Variants in CDH5 observed in about 807,000 individuals in gnomAD.
The protein encoded by CDH5 is cadherin 5, also known as cadherin-5.
A neutral mutation model predicts 62.0 loss-of-function variants in CDH5; 28 were observed. The ratio of observed to expected loss-of-function variants is 0.45; its 90% CI spans 0.33 to 0.62. The LOEUF is 0.62. CDH5 is among the 20% of genes least tolerant of loss of function. CDH5 has a pLI of 0.02. For missense variants in CDH5, 940 were observed against 1,065.1 expected (o/e 0.88, Z 1.63); for synonymous variants, 464 against 445.8 (o/e 1.04, Z -0.52).
chr16:66,388,390 T>G lies in CDH5; in HGVS notation c.566T>G (p.Val189Gly). The G allele has an allele frequency of 6.2e-7, 1 of 1,614,044 alleles. No individual in the cohort carries two copies. Residue 189 changes from valine (V) to glycine (G), a missense_variant, in exon 4 of 12, where the codon GTC (valine) becomes GGC (glycine). Coordinates refer to ENST00000341529, the MANE Select transcript of CDH5 (RefSeq NM_001795.5). ...CCCACTGTGGGAGACCACGCCTCTG[T>G]CATGTACCAAATCCTGAAGGGGAAA... is the stretch of plus-strand genomic sequence containing the variant. ...DDPTVGDHASVMYQILKGKEY... is the reference protein window; with the variant it reads ...DDPTVGDHASGMYQILKGKEY...
At chr16:66,389,799 C>A (rs2142329990) in intron 5 of CDH5, among the ~76,000 whole-genome samples, 1 of 152,302 alleles carries the variant, frequency 6.6e-6, no homozygotes, top group Non-Finnish European at 1.5e-5. Flanking sequence ...TGTGTCCCAC[C>A]ATGAGACACA....
chr16:66,392,793 AG>A lies in CDH5; in HGVS notation c.1217+411del. On this transcript the variant is annotated intron_variant, in intron 7 of 11. Coordinates refer to ENST00000341529, the MANE Select transcript of CDH5 (RefSeq NM_001795.5). ...AAAGTAAGAAGTGTTCATTTTATAC[AG>A]TGAAACAACACAGAGATCTACCAAG... The A allele has an allele frequency of 1.1e-4, 20 of 189,956 alleles. No individual in the cohort carries two copies. In the East Asian group the frequency reaches 1.9e-3, roughly 18 times the overall value. 11.8% of individuals were successfully genotyped at this position (189,956 alleles called of 1,614,324 possible).
At chr16:66,387,153 C>T (rs776437307) in intron 3 of CDH5, 56 bp downstream of exon 3, 54 of 1,513,830 alleles carry the variant, frequency 3.6e-5, no homozygotes, top group Admixed American at 1.6e-4. Context: ...CCTGGGGGCA[C>T]CTCTCACATC....
rs757425052 is a variant in CDH5 at position 66,379,346 on chromosome 16, G to A, written c.9G>A (p.Arg3=). The change falls in exon 2 of 12, where the codon AGG becomes AGA. Residue 3 remains arginine (R), a synonymous_variant. Coordinates refer to ENST00000341529, the MANE Select transcript of CDH5 (RefSeq NM_001795.5). The part of the protein sequence containing the change: MQ[R]LMMLLATSGA... ...CTGTTCCTCCTGGGAAGATGCAGAG[G>A]CTCATGATGCTCCTCGCCACATCGG... 1.2e-6 allele frequency: 2 copies of A among 1,609,770 alleles called. No homozygotes were observed. Among genetic ancestry groups the A allele is most frequent in the Admixed American group, 1.7e-5 (1 of 59,902 alleles).
At chr16:66,398,873 T>C (rs1167012951) in intron 10 of CDH5, among the ~76,000 whole-genome samples, 1 of 152,222 alleles carries the variant, frequency 6.6e-6, no homozygotes, top group Admixed American at 6.5e-5. Context: ...AGATATTTTG[T>C]ACAATTTCTG....
intron 2 of CDH5, among the ~76,000 whole-genome samples, chr16:66,384,075 A>C (rs1400266292): frequency 7.6e-5 from 10 of 132,066 alleles, no homozygotes; most frequent in Admixed American, 7.9e-5. Flanking sequence ...GGAGGAGTCC[A>C]GCCTTTTTTT....
At chr16:66,392,665 C>A in intron 7 of CDH5, 2 of 422,822 alleles carry the variant, frequency 4.7e-6, no homozygotes, top group East Asian at 4.1e-5. Flanking sequence ...CTCACCAGTC[C>A]TATGTGGTAA....
Position 66,402,702 on chromosome 16 carries a change from G to T in CDH5, c.1888G>T (p.Ala630Ser). The change falls in exon 12 of 12, where the codon GCG (alanine) becomes TCG (serine). Residue 630 changes from alanine to serine, a missense_variant. Physicochemically the swap from Ala to Ser is moderately conservative, Grantham distance 99. Transcript: ENST00000341529. ...GCGGCGGCTCCGGAAGCAGGCCCGC[G>T]CGCACGGCAAGAGCGTGCCGGAGAT... is the stretch of plus-strand genomic sequence containing the variant. ...LRRRLRKQAR[A>S]HGKSVPEIHE... The T allele has an allele frequency of 1.2e-6, 2 of 1,608,814 alleles. No individual in the cohort carries two copies. The highest frequency in any genetic ancestry group is 1.7e-6 in the Non-Finnish European group (2 of 1,178,930).
At position 66,402,797 on chromosome 16, in the gene CDH5, G is replaced by A. The variant is rs763725672; in HGVS notation, c.1983G>A (p.Ser661=). The A allele has an allele frequency of 6.2e-7, 1 of 1,604,294 alleles. No individual in the cohort carries two copies. The highest frequency in any genetic ancestry group is 8.5e-7 in the Non-Finnish European group (1 of 1,176,400). ...TGGACACCACCAGCTACGATGTGTC[G>A]GTGCTCAACTCGGTGCGCCGCGGCG... ...GEMDTTSYDV[S]VLNSVRRGGA... is the part of the protein sequence containing the mutation. Residue 661 remains serine (S), a synonymous_variant, in exon 12 of 12, where the codon TCG becomes TCA. Coordinates refer to ENST00000341529, the MANE Select transcript of CDH5 (RefSeq NM_001795.5).
At position 66,388,213 on chromosome 16, in the gene CDH5, C is replaced by T. The variant is rs1170092620; in HGVS notation, c.500-111C>T. ...CAAAACAGCCTTTTATTCCCAGGAC[C>T]TGGGGGAGGTGGGGACAGAGCACAG... On this transcript the variant is annotated intron_variant, in intron 3 of 11. Transcript: ENST00000341529. 4.3e-6 allele frequency: 3 copies of T among 703,960 alleles called. No homozygotes were observed. In the African/African-American group the frequency reaches 5.4e-5, roughly 13 times the overall value. 43.6% of individuals were successfully genotyped at this position (703,960 alleles called of 1,614,324 possible).
At chr16:66,369,473 G>A (rs1420834242) in intron 1 of CDH5, among the ~76,000 whole-genome samples, 3 of 152,150 alleles carry the variant, frequency 2.0e-5, no homozygotes, top group African/African-American at 7.2e-5. Flanking sequence ...TACAGATAAG[G>A]AAGCTGAGGC....
chr16:66,391,894 A>G (rs1211057545), intron 6 of CDH5, among the ~76,000 whole-genome samples: 2 of 152,236 alleles, frequency 1.3e-5, no homozygotes, highest in Admixed American at 1.3e-4. Context: ...GGCCAGGCAC[A>G]CAGCCAGGGT....
At chr16:66,376,273 A>C (rs538887698) in intron 1 of CDH5, 2 of 152,266 alleles carry the variant, frequency 1.3e-5, no homozygotes, top group African/African-American at 4.8e-5. Context: ...GGGCAGAGGA[A>C]TTTTTAGCTC....
intron 2 of CDH5, among the ~76,000 whole-genome samples, chr16:66,385,413 A>T (rs1960966225): frequency 6.6e-6 from 1 of 152,206 alleles, no homozygotes. Flanking sequence ...AAGTATGGAA[A>T]ATCCTGAGTT....
intron 8 of CDH5, among the ~76,000 whole-genome samples, chr16:66,396,841 G>A (rs547606037): frequency 2.8e-4 from 42 of 152,176 alleles, no homozygotes; most frequent in African/African-American, 9.4e-4. Flanking sequence ...CCAGGAGCCC[G>A]CTAGGCCAAG....
At chr16:66,397,909 C>T in intron 8 of CDH5, 73 bp from the exon 9 acceptor site, 6 of 1,597,278 alleles carry the variant, frequency 3.8e-6, no homozygotes, top group Non-Finnish European at 5.1e-6. Context: ...GGCAGCCCTC[C>T]TTCCACACAT....
intron 2 of CDH5, among the ~76,000 whole-genome samples, chr16:66,386,419 G>A (rs945025835): frequency 3.3e-5 from 5 of 151,948 alleles, no homozygotes; most frequent in East Asian, 1.9e-4. Context: ...GTCTACCCTC[G>A]CCCTCATCCC....
Position 66,388,403 on chromosome 16 carries a change from C to A in CDH5, c.579C>A (p.Ile193=), listed in dbSNP as rs149495325. Reference sequence around the variant, plus strand: ...ACCACGCCTCTGTCATGTACCAAATCCTGAAGGGGAAAGAGTATTTTGCCA... The same window carrying A: ...ACCACGCCTCTGTCATGTACCAAATACTGAAGGGGAAAGAGTATTTTGCCA... ...VGDHASVMYQ[I]LKGKEYFAID... The change falls in exon 4 of 12, where the codon ATC becomes ATA. Residue 193 remains isoleucine, a synonymous_variant. Transcript: ENST00000341529. 6 of 1,613,314 alleles carry A rather than the reference C, an allele frequency of 3.7e-6. No individual in the cohort carries two copies. Among genetic ancestry groups the A allele is most frequent in the African/African-American group, 1.3e-5 (1 of 74,924 alleles).
intron 8 of CDH5, among the ~76,000 whole-genome samples, chr16:66,397,540 T>C (rs1009252920): frequency 6.6e-6 from 1 of 152,138 alleles, no homozygotes; most frequent in Non-Finnish European, 1.5e-5. Flanking sequence ...TTTTTAATTA[T>C]ATGTTTAAGA....
Sources: allele counts gnomAD v4.1 joint callset (sites outside exome capture counted in the v4.1 genomes callset), GRCh38; gene constraint gnomAD v4.1.1; transcripts MANE v1.5; gene names NCBI Gene and HGNC (gene_info 2026-07-23, HGNC 2026-07-21).